SOX6: variants seen among roughly 807,000 people sequenced by gnomAD.
SOX6 encodes the protein transcription factor SOX-6.
SOX6 carries 11 observed loss-of-function variants against 97.8 expected under a neutral mutation model. The ratio of observed to expected loss-of-function variants is 0.11; its 90% CI spans 0.07 to 0.19. The LOEUF (loss-of-function observed/expected upper bound fraction) is 0.19. Ranked by LOEUF, SOX6 falls within the 10% of genes least tolerant of loss-of-function variation. The pLI is 1.00. For missense variants in SOX6, 810 were observed against 1,039.5 expected (o/e 0.78, Z 3.04); for synonymous variants, 360 against 371.4 (o/e 0.97, Z 0.35).
At chr11:16,192,535 TA>T (rs1196307978) in intron 4 of SOX6, among the ~76,000 whole-genome samples, 2 of 152,080 alleles carry the variant, frequency 1.3e-5, no homozygotes, top group Non-Finnish European at 2.9e-5. Context: ...TCTTTCATTA[TA>T]ACAGTTTCAA....
intron 4 of SOX6, among the ~76,000 whole-genome samples, chr11:16,529,070 C>A (rs1050404689): frequency 3.9e-5 from 6 of 152,182 alleles, no homozygotes; most frequent in Admixed American, 2.0e-4. Flanking sequence ...GAGCTTCAGA[C>A]CACGATATGT....
At chr11:16,148,438 C>A (rs1313250050) in intron 6 of SOX6, among the ~76,000 whole-genome samples, 1 of 152,126 alleles carries the variant, frequency 6.6e-6, no homozygotes, top group Non-Finnish European at 1.5e-5. Flanking sequence ...TGTGTTAAGA[C>A]TTTAAAACAC....
At chr11:16,738,449 T>G (rs1848412515) in exon 1 of SOX6, 1 of 420,880 alleles carries the variant, frequency 2.4e-6, no homozygotes, top group African/African-American at 2.0e-5. Flanking sequence ...GCGGGAACGC[T>G]TCCTCCACCA....
intron 3 of SOX6, among the ~76,000 whole-genome samples, chr11:16,630,504 T>G (rs1485489307): frequency 6.6e-6 from 1 of 152,064 alleles, no homozygotes; most frequent in African/African-American, 2.4e-5. Context: ...TGCTTTATGG[T>G]CAAGCATGTG....
In SOX6 at chr11:16,660,329, T is replaced by A. The variant is rs1307925518; in HGVS notation, n.430-48069A>T. 3.3e-5 allele frequency among the ~76,000 whole-genome samples: 5 copies of A among 152,344 alleles called. No individual in the cohort carries two copies. In the East Asian group the frequency reaches 9.6e-4, roughly 29 times the overall value. On this transcript the variant is annotated intron_variant and non_coding_transcript_variant, in intron 3 of 5. Transcript: ENST00000524520. ...TAATTTACCTCAAAATATTTTTAAT[T>A]TCTCTTGAGACTGATTCTTTGACCC...
chr11:16,326,654 T>C (rs1856103020), intron 2 of SOX6, among the ~76,000 whole-genome samples: 1 of 152,214 alleles, frequency 6.6e-6, no homozygotes, highest in South Asian at 2.1e-4. Context: ...TTATTCACCT[T>C]AATCCAAGAA....
intron 12 of SOX6, among the ~76,000 whole-genome samples, chr11:16,033,951 GA>G (rs1855452269): frequency 6.6e-6 from 1 of 151,992 alleles, no homozygotes; most frequent in South Asian, 2.1e-4. Flanking sequence ...AAGAAGCAGA[GA>G]ACTCATGTTC....
At chr11:16,473,985 T>C (rs1860190594) in intron 1 of SOX6, among the ~76,000 whole-genome samples, 1 of 152,244 alleles carries the variant, frequency 6.6e-6, no homozygotes, top group Non-Finnish European at 1.5e-5. Context: ...TTCTAAATCC[T>C]TTGTTGTCAT....
chr11:16,007,575 A>G (rs1052115466), intron 13 of SOX6, among the ~76,000 whole-genome samples: 4 of 152,146 alleles, frequency 2.6e-5, no homozygotes, highest in African/African-American at 9.7e-5. Context: ...TTTGGTCTCA[A>G]TTCCAATCCT....
At chr11:16,384,793 C>A (rs1057067863) in intron 1 of SOX6, among the ~76,000 whole-genome samples, 2 of 151,898 alleles carry the variant, frequency 1.3e-5, no homozygotes, top group African/African-American at 4.8e-5. Flanking sequence ...GCATAGAAAG[C>A]AAATTAAATA....
At chr11:16,215,102 A>G (rs570484380) in intron 4 of SOX6, among the ~76,000 whole-genome samples, 1 of 152,284 alleles carries the variant, frequency 6.6e-6, no homozygotes, top group South Asian at 2.1e-4. Flanking sequence ...AATCCTCAAA[A>G]TAATAATGTC....
intron 4 of SOX6, among the ~76,000 whole-genome samples, chr11:16,546,815 T>G (rs1055162162): frequency 6.6e-6 from 1 of 152,028 alleles, no homozygotes; most frequent in African/African-American, 2.4e-5. Flanking sequence ...ATCAACAGAA[T>G]GAAGAGATAA....
At chr11:16,428,392 G>T (rs1206310069) in intron 1 of SOX6, among the ~76,000 whole-genome samples, 2 of 152,318 alleles carry the variant, frequency 1.3e-5, no homozygotes, top group East Asian at 1.9e-4. Context: ...TAGACACGAA[G>T]TTCTTGCCCA....
chr11:16,351,316 T>C (rs763917684), intron 1 of SOX6, among the ~76,000 whole-genome samples: 1 of 152,130 alleles, frequency 6.6e-6, no homozygotes, highest in Non-Finnish European at 1.5e-5. Context: ...CAGCCAGTCA[T>C]GAAGCTCCAT....
chr11:16,552,709 A>G (rs754454381), intron 4 of SOX6, among the ~76,000 whole-genome samples: 14 of 152,134 alleles, frequency 9.2e-5, no homozygotes, highest in Non-Finnish European at 1.9e-4. Context: ...GAGGTTTGGG[A>G]TTTTTTGTTT....
chr11:16,560,754 C>T (rs1368262794), intron 4 of SOX6, among the ~76,000 whole-genome samples: 1 of 152,048 alleles, frequency 6.6e-6, no homozygotes, highest in Non-Finnish European at 1.5e-5. Flanking sequence ...AACAATCTAC[C>T]TACAACACAA....
At chr11:16,232,012 T>C (rs1397406406) in intron 4 of SOX6, among the ~76,000 whole-genome samples, 2 of 151,816 alleles carry the variant, frequency 1.3e-5, no homozygotes, top group Non-Finnish European at 3.0e-5. Flanking sequence ...TTTTTTTGTA[T>C]GTTTCTTACA....
At chr11:16,724,820 G>A (rs1009056287) in intron 2 of SOX6, among the ~76,000 whole-genome samples, 3 of 152,136 alleles carry the variant, frequency 2.0e-5, no homozygotes, top group African/African-American at 7.2e-5. Context: ...AACACTGAAG[G>A]TAACTTCACA....
At chr11:16,000,741 CGT>C (rs1364378019) in intron 13 of SOX6, among the ~76,000 whole-genome samples, 3 of 151,324 alleles carry the variant, frequency 2.0e-5, no homozygotes, top group South Asian at 2.1e-4. Context: ...CGCGCGTGCG[CGT>C]GTGTGTGTGT....
Sources: gnomAD v4.1 joint callset for allele counts (sites outside exome capture counted in the v4.1 genomes callset) on GRCh38, gnomAD v4.1.1 for gene constraint, MANE v1.5 for transcripts, NCBI Gene and HGNC (gene_info 2026-07-23, HGNC 2026-07-21) for gene names.